Variants in SLC12A7 observed in about 807,000 individuals in gnomAD.
SLC12A7 encodes the protein solute carrier family 12 member 7.
SLC12A7 carries 100 observed loss-of-function variants against 120.6 expected under a neutral mutation model. That is an observed-to-expected ratio of 0.83 (90% CI 0.71 to 0.98). SLC12A7 has a LOEUF of 0.98. Among genes scored for constraint, SLC12A7 ranks in the 50% least tolerant of loss-of-function variants. SLC12A7 has a pLI of 0.00. For synonymous variants in SLC12A7, 760 were observed against 678.0 expected, an observed-to-expected ratio of 1.12 and a Z score of -1.88; for missense variants, 1,373 against 1,548.1, an observed-to-expected ratio of 0.89 and a Z score of 1.90.
chr5:1,063,857 T>A lies in SLC12A7; in HGVS notation c.2726A>T (p.Glu909Val), dbSNP rs761028248. ...CTCGGGACTCACCATCTCCACCACC[T>A]CCACCTCGGCGCTGATGCGCAAGTG... Reference protein sequence around the residue: ...LYHLRISAEVEVVEMVENDIS... With the variant: ...LYHLRISAEVVVVEMVENDIS... Residue 909 changes from glutamate (E) to valine (V), a missense_variant, in exon 20 of 24, where the codon GAG becomes GTG. Transcript: ENST00000264930. 7.4e-7 allele frequency: 1 copy of A among 1,357,668 alleles called. No homozygotes were observed. The highest frequency in any genetic ancestry group is 1.8e-5 in the African/African-American group (1 of 55,408). The allele number at this position is 1,357,668 out of a possible 1,614,324, so 84.1% of individuals were successfully genotyped here.
At position 1,060,358 on chromosome 5, in the gene SLC12A7, C is replaced by T; in HGVS notation, c.2833G>A (p.Glu945Lys). Residue 945 changes from glutamate (E) to lysine (K), a missense_variant, in exon 21 of 24, where the codon GAG becomes AAG. Physicochemically the swap from Glu to Lys is moderately conservative, Grantham distance 56. Transcript: ENST00000264930. ...MLKQMQLSKNEQEREAQLIHD... is the reference protein window; with the variant it reads ...MLKQMQLSKNKQEREAQLIHD... Reference sequence around the variant, plus strand: ...CCCCCACGTACCTCTCGCTCCTGCTCGTTCTTGGACAGCTGCATCTGCTTC... The same window carrying T: ...CCCCCACGTACCTCTCGCTCCTGCTTGTTCTTGGACAGCTGCATCTGCTTC... 3.1e-6 allele frequency: 5 copies of T among 1,613,382 alleles called. No individual in the cohort carries two copies. The highest frequency in any genetic ancestry group is 4.2e-6 in the Non-Finnish European group (5 of 1,179,714).
intron 1 of SLC12A7, among the ~76,000 whole-genome samples, chr5:1,102,301 G>T (rs1359269965): frequency 6.6e-6 from 1 of 152,204 alleles, no homozygotes; most frequent in African/African-American, 2.4e-5. Flanking sequence ...GGTAGTTTCT[G>T]CAGGGAGAAG....
chr5:1,124,980 G>A, the SLC12A7 span, among the ~76,000 whole-genome samples: 631 of 152,092 alleles, frequency 4.1e-3, 5 homozygotes, highest in African/African-American at 0.014. Context: ...AAGACACCTC[G>A]CCCCATAACT....
intron 1 of SLC12A7, among the ~76,000 whole-genome samples, chr5:1,101,091 C>A (rs557402057): frequency 2.6e-5 from 4 of 152,212 alleles, no homozygotes; most frequent in African/African-American, 9.6e-5. Flanking sequence ...GGCCTCGGCC[C>A]GCCTCGTACC....
At chr5:1,063,628 TCCACCTCCTGATCTCCCCCTCCACCC>T (rs562652245) in intron 20 of SLC12A7, among the ~76,000 whole-genome samples, 190 bp downstream of exon 20, 1,253 of 64,286 alleles carry the variant, frequency 0.019, 77 homozygotes, top group African/African-American at 0.081. Flanking sequence ...CACCTCCACC[TCCACCTCCTGATCTCCCCCTCCACCC>T]CCACCTCACG....
chr5:1,079,577 A>G (rs1738773668), intron 9 of SLC12A7, 81 bp from the exon 10 acceptor site: 1 of 1,215,744 alleles, frequency 8.2e-7, no homozygotes, highest in Admixed American at 1.7e-5. Context: ...GAAAGCTGGA[A>G]AGGCGGTCTC....
chr5:1,141,378 C>G, the SLC12A7 span, among the ~76,000 whole-genome samples: 6 of 152,218 alleles, frequency 3.9e-5, no homozygotes, highest in East Asian at 1.2e-3. Flanking sequence ...CTCTCCCAGT[C>G]CTAATGGAGA....
In SLC12A7 at chr5:1,088,032, C is replaced by T. The variant is rs576349748; in HGVS notation, c.544+274G>A. ...GGCTACAGGAGCCACTGGAATCGCC[C>T]GTGCCTCCCCCTCCCCAGCCCGCTG... On this transcript the variant is annotated intron_variant, in intron 5 of 23. Coordinates refer to ENST00000264930, the MANE Select transcript of SLC12A7 (RefSeq NM_006598.3). 2.3e-3 allele frequency among the ~76,000 whole-genome samples: 354 copies of T among 152,316 alleles called. 1 individual carries two copies. The highest frequency in any genetic ancestry group is 2.4e-3 in the Non-Finnish European group (165 of 68,028).
the SLC12A7 span, among the ~76,000 whole-genome samples, chr5:1,131,337 C>T: frequency 6.6e-6 from 1 of 152,200 alleles, no homozygotes; most frequent in African/African-American, 2.4e-5. Flanking sequence ...TCCTGGGCCC[C>T]TCCTTTTGGC....
At chr5:1,121,643 AG>A in the SLC12A7 span, among the ~76,000 whole-genome samples, 1 of 152,204 alleles carries the variant, frequency 6.6e-6, no homozygotes, top group Non-Finnish European at 1.5e-5. Flanking sequence ...GGCAGGGACA[AG>A]GGGGAGTTCC....
rs149723893 is a variant in SLC12A7, at chr5:1,057,601, C to A, written c.2896G>T (p.Ala966Ser). 6.2e-7 allele frequency: 1 copy of A among 1,608,774 alleles called. No homozygotes were observed. The highest frequency in any genetic ancestry group is 8.5e-7 in the Non-Finnish European group (1 of 1,179,900). ...GGCGTAGGCGGCGCTTGGGTCCTGGCTGCCGCCGCGGTGTGGGACGCGGTG... is the reference window on the plus strand; with the variant it reads ...GGCGTAGGCGGCGCTTGGGTCCTGGATGCCGCCGCGGTGTGGGACGCGGTG... ...RNTASHTAAA[A>S]RTQAPPTPDK... Residue 966 changes from alanine (A) to serine (S), a missense_variant, in exon 22 of 24, where the codon GCC becomes TCC. Transcript: ENST00000264930.
intron 20 of SLC12A7, 113 bp from the exon 21 acceptor site, chr5:1,060,564 C>T (rs997009374): frequency 3.9e-6 from 3 of 775,846 alleles, no homozygotes; most frequent in East Asian, 2.6e-5. Flanking sequence ...AAAGGCCACG[C>T]GTCCCGGGCC....
At chr5:1,140,645 T>A in the SLC12A7 span, among the ~76,000 whole-genome samples, 1 of 152,200 alleles carries the variant, frequency 6.6e-6, no homozygotes, top group Non-Finnish European at 1.5e-5. Context: ...CACCGCTGGC[T>A]CCACGCTCTC....
the SLC12A7 span, among the ~76,000 whole-genome samples, chr5:1,131,765 G>A: frequency 1.3e-5 from 2 of 152,250 alleles, no homozygotes; most frequent in African/African-American, 2.4e-5. Context: ...CAGGACACGG[G>A]AAAGGGGCTC....
chr5:1,098,264 C>T (rs540486341), intron 1 of SLC12A7, among the ~76,000 whole-genome samples: 25 of 16,150 alleles, frequency 1.5e-3, no homozygotes, highest in African/African-American at 6.0e-3. Flanking sequence ...ACCCTCTGCA[C>T]GCCCAGGCCC....
At chr5:1,113,347 G>A (rs1579454591), upstream of SLC12A7, among the ~76,000 whole-genome samples, 2 of 152,182 alleles carry the variant, frequency 1.3e-5, no homozygotes, top group African/African-American at 2.4e-5. Flanking sequence ...GATGGCCTCC[G>A]GGCTGTGGGA....
intron 10 of SLC12A7, 88 bp from the exon 11 acceptor site, chr5:1,078,846 G>GGGGGGGGGGGGGGGGGGGGGGGGGGGGC: frequency 2.4e-6 from 1 of 415,106 alleles, no homozygotes; most frequent in South Asian, 1.9e-5. Flanking sequence ...GGTGGGTGGG[G>GGGGGGGGGGGGGGGGGGGGGGGGGGGGC]AGATGCACTG....
chr5:1,148,001 C>T, the SLC12A7 span, among the ~76,000 whole-genome samples: 1 of 152,036 alleles, frequency 6.6e-6, no homozygotes, highest in Non-Finnish European at 1.5e-5. Context: ...TCCCAAAGAG[C>T]TGGGATTATG....
At position 1,094,354 on chromosome 5, in the gene SLC12A7, C is replaced by T. The variant is rs936845045; in HGVS notation, c.125-106G>A. 3 of 784,030 alleles carry T rather than the reference C, an allele frequency of 3.8e-6. No homozygotes were observed. In the African/African-American group the frequency reaches 5.1e-5, roughly 13 times the overall value. 48.6% of individuals were successfully genotyped at this position (784,030 alleles called of 1,614,324 possible). On this transcript the variant is annotated intron_variant, in intron 1 of 23. Transcript: ENST00000264930. ...GAGGGCTCTGGTCCCCACCAGCTGT[C>T]ACCTCTAAACCATGGCTAAGGGTGA...
Sources: gnomAD v4.1 joint callset for allele counts (sites outside exome capture counted in the v4.1 genomes callset) on GRCh38, gnomAD v4.1.1 for gene constraint, MANE v1.5 for transcripts, NCBI Gene and HGNC (gene_info 2026-07-23, HGNC 2026-07-21) for gene names.